KCND3: variants seen among roughly 807,000 people sequenced by gnomAD.
The protein encoded by KCND3 is potassium voltage-gated channel subfamily D member 3, also known as A-type voltage-gated potassium channel KCND3.
A neutral mutation model predicts 51.1 loss-of-function variants in KCND3; 9 were observed. The observed-to-expected ratio is 0.18, with a 90% CI of 0.11 to 0.31. KCND3 has a LOEUF of 0.31. KCND3 is among the 10% of genes least tolerant of loss of function. The pLI, the probability that KCND3 is intolerant of heterozygous loss-of-function variation, is 1.00. For missense variants in KCND3, 526 were observed against 903.8 expected (o/e 0.58, Z 5.36); for synonymous variants, 349 against 368.0 (o/e 0.95, Z 0.59).
Position 111,919,700 on chromosome 1 carries a change from T to C in KCND3, c.1106+61921A>G, listed in dbSNP as rs527623540. ...CTGGGCAAATTTACACATGAACAAA[T>C]ACAAAAATCTCACAACAAAGTTCTT... On this transcript the variant is annotated intron_variant, in intron 2 of 7. Transcript: ENST00000302127. Among the ~76,000 whole-genome samples the C allele has an allele frequency of 2.6e-5, 4 of 152,160 alleles. No homozygotes were observed. In the South Asian group the frequency reaches 8.3e-4, roughly 32 times the overall value.
chr1:111,841,537 G>A (rs1183357081), intron 2 of KCND3, among the ~76,000 whole-genome samples: 5 of 152,118 alleles, frequency 3.3e-5, no homozygotes, highest in African/African-American at 9.7e-5. Context: ...CAATTTAATC[G>A]CTATGCAACT....
intron 2 of KCND3, among the ~76,000 whole-genome samples, chr1:111,879,923 A>G (rs1669227362): frequency 6.6e-6 from 1 of 152,178 alleles, no homozygotes; most frequent in African/African-American, 2.4e-5. Flanking sequence ...CTTACTACCT[A>G]TGAGAGCTTG....
At chr1:111,930,480 GTGTC>G in intron 2 of KCND3, among the ~76,000 whole-genome samples, 1 of 152,354 alleles carries the variant, frequency 6.6e-6, no homozygotes, top group East Asian at 1.9e-4. Context: ...AACTGAATCA[GTGTC>G]TGAGCAGTAG....
intron 2 of KCND3, among the ~76,000 whole-genome samples, chr1:111,816,265 A>T (rs902187908): frequency 9.9e-5 from 15 of 152,218 alleles, no homozygotes; most frequent in Non-Finnish European, 1.8e-4. Context: ...GCCTGGCCAC[A>T]TCTCTCCAGG....
chr1:111,795,352 C>T (rs921187711), intron 2 of KCND3, among the ~76,000 whole-genome samples: 6 of 152,174 alleles, frequency 3.9e-5, no homozygotes, highest in Admixed American at 6.5e-5. Context: ...TGGACCCAGA[C>T]GGGACAGATG....
At position 111,778,420 on chromosome 1, in the gene KCND3, T is replaced by G. The variant is rs760697597; in HGVS notation, c.1518+16A>C. On this transcript the variant is annotated intron_variant, in intron 6 of 7. Transcript: ENST00000302127. ...TCAGAGAGAAAAACATCAATTGAAT[T>G]TTTAAAAAGTTATACCTTGATGGTG... is the stretch of plus-strand genomic sequence containing the variant. 1.2e-6 allele frequency: 2 copies of G among 1,610,748 alleles called. No homozygotes were observed. The highest frequency in any genetic ancestry group is 1.7e-6 in the Non-Finnish European group (2 of 1,177,014).
Position 111,771,674 on chromosome 1 carries a change from T to G in KCND3, c.*4403A>C, listed in dbSNP as rs1557926840. The G allele has an allele frequency of 6.6e-6, 1 of 152,234 alleles. No individual in the cohort carries two copies. The highest frequency in any genetic ancestry group is 2.1e-4 in the South Asian group (1 of 4,838). 9.4% of individuals were successfully genotyped at this position (152,234 alleles called of 1,614,324 possible). ...GATATCCTGAACTGTAGGAATCATA[T>G]TTTGAAAACTGGATAAAATCATCAG... On this transcript the variant is annotated 3_prime_UTR_variant, in exon 8 of 8. Coordinates refer to ENST00000302127, the MANE Select transcript of KCND3 (RefSeq NM_001378969.1).
intron 2 of KCND3, among the ~76,000 whole-genome samples, chr1:111,936,508 G>C (rs963458655): frequency 1.3e-5 from 2 of 152,204 alleles, no homozygotes; most frequent in Non-Finnish European, 2.9e-5. Flanking sequence ...TAAGAGCAAA[G>C]GGTGCTGGGC....
At position 111,982,028 on chromosome 1, in the gene KCND3, G is replaced by A; in HGVS notation, c.699C>T (p.Cys233=). ...GGTACTCCACGGTGAAGATCATGAC[G>A]CACGCCGTGTCCAGGCAGAAGAAGG... is the stretch of plus-strand genomic sequence containing the variant. ...SVAFFCLDTA[C]VMIFTVEYLL... The change falls in exon 2 of 8, where the codon TGC becomes TGT. Residue 233 remains cysteine, a synonymous_variant. Coordinates refer to ENST00000302127, the MANE Select transcript of KCND3 (RefSeq NM_001378969.1). The surrounding 1 kb of genome is among the most constrained non-coding windows in gnomAD (Gnocchi z 8.5). 2 of 1,613,756 alleles carry A rather than the reference G, an allele frequency of 1.2e-6. No individual in the cohort carries two copies. Among genetic ancestry groups the A allele is most frequent in the South Asian group, 2.2e-5 (2 of 91,054 alleles).
intron 2 of KCND3, among the ~76,000 whole-genome samples, chr1:111,823,935 A>T (rs2101603745): frequency 6.6e-6 from 1 of 152,342 alleles, no homozygotes; most frequent in South Asian, 2.1e-4. Flanking sequence ...GACAAAAGCA[A>T]AAGAAAAAAT....
chr1:111,846,418 T>TCTGCTGCTGCTGCTGCTG lies in KCND3; in HGVS notation c.1107-59330_1107-59313dup, dbSNP rs55653915. 9.9e-5 allele frequency among the ~76,000 whole-genome samples: 15 copies of TCTGCTGCTGCTGCTGCTG among 150,828 alleles called. 1 individual carries two copies. The highest frequency in any genetic ancestry group is 5.3e-4 in the Admixed American group (8 of 15,144). On this transcript the variant is annotated intron_variant, in intron 2 of 7. Coordinates refer to ENST00000302127, the MANE Select transcript of KCND3 (RefSeq NM_001378969.1). ...TTTCCTCTGTACACCCATGACACTCTCTGCTGCTGCTGCTGCTGCTGCTGC... is the reference window on the plus strand; with the variant it reads ...TTTCCTCTGTACACCCATGACACTCTCTGCTGCTGCTGCTGCTGCTGCTGCTGCTGCTGCTGCTGCTGC...
At chr1:111,921,578 A>G (rs1417439549) in intron 2 of KCND3, among the ~76,000 whole-genome samples, 4 of 152,214 alleles carry the variant, frequency 2.6e-5, no homozygotes, top group East Asian at 1.9e-4. Flanking sequence ...AGCAGCGCCA[A>G]TCATGAGAAA....
chr1:111,827,360 G>A (rs1454590019), intron 2 of KCND3, among the ~76,000 whole-genome samples: 4 of 152,230 alleles, frequency 2.6e-5, no homozygotes, highest in African/African-American at 9.6e-5. Flanking sequence ...CCCATGTCCT[G>A]TGACCCCCAG....
intron 2 of KCND3, among the ~76,000 whole-genome samples, chr1:111,960,890 T>C (rs1053403024): frequency 6.6e-6 from 1 of 152,046 alleles, no homozygotes; most frequent in Admixed American, 6.6e-5. Flanking sequence ...GCCATGGCAG[T>C]TGGGGAGGTG....
intron 2 of KCND3, among the ~76,000 whole-genome samples, chr1:111,862,553 A>T (rs1668383232): frequency 6.6e-6 from 1 of 152,240 alleles, no homozygotes; most frequent in Non-Finnish European, 1.5e-5. Context: ...TCTCTTGTGG[A>T]TCTGTGGCCA....
chr1:111,852,606 G>C (rs759645584), intron 2 of KCND3, among the ~76,000 whole-genome samples: 2 of 152,182 alleles, frequency 1.3e-5, no homozygotes, highest in Non-Finnish European at 2.9e-5. Flanking sequence ...GCTGCACTGG[G>C]TTAATTACGC....
At chr1:111,816,860 C>T (rs1666112500) in intron 2 of KCND3, among the ~76,000 whole-genome samples, 2 of 152,234 alleles carry the variant, frequency 1.3e-5, no homozygotes, top group African/African-American at 2.4e-5. Flanking sequence ...CACATCCCAA[C>T]TACATGCACT....
At chr1:111,974,053 T>C (rs1359345375) in intron 2 of KCND3, among the ~76,000 whole-genome samples, 1 of 152,202 alleles carries the variant, frequency 6.6e-6, no homozygotes, top group Non-Finnish European at 1.5e-5. Context: ...CATCCAGTCA[T>C]GGTCAGCAAA....
At chr1:111,790,897 A>G (rs1191290873) in intron 2 of KCND3, among the ~76,000 whole-genome samples, 1 of 152,240 alleles carries the variant, frequency 6.6e-6, no homozygotes, top group African/African-American at 2.4e-5. Flanking sequence ...AGAATGTATC[A>G]GTACTCCATT....
Sources: gnomAD v4.1 joint callset for allele counts (sites outside exome capture counted in the v4.1 genomes callset) on GRCh38, gnomAD v4.1.1 for gene constraint, Gnocchi (gnomAD v3.1) non-coding constraint, MANE v1.5 for transcripts, NCBI Gene and HGNC (gene_info 2026-07-23, HGNC 2026-07-21) for gene names.